Variants in KLF3 observed in about 807,000 individuals in gnomAD.
KLF3 encodes KLF transcription factor 3.
A neutral mutation model predicts 32.7 loss-of-function variants in KLF3; 6 were observed. That is an observed-to-expected ratio of 0.18 (90% CI 0.10 to 0.36). The LOEUF is 0.36. KLF3 is among the 10% of genes least tolerant of loss of function. The pLI is 1.00. For missense variants in KLF3, 338 were observed against 449.7 expected, an observed-to-expected ratio of 0.75 and a Z score of 2.25; for synonymous variants, 145 against 172.8, an observed-to-expected ratio of 0.84 and a Z score of 1.26.
intron 1 of KLF3, among the ~76,000 whole-genome samples, chr4:38,666,999 G>A (rs1486003399): frequency 6.6e-6 from 1 of 152,248 alleles, no homozygotes; most frequent in Non-Finnish European, 1.5e-5. Flanking sequence ...AGGGAGGCTA[G>A]TGTTCATTAG....
rs1234182666 is a variant in KLF3 at position 38,674,768 on chromosome 4, T to C, written c.-39-5819T>C. Among the ~76,000 whole-genome samples the C allele has an allele frequency of 3.8e-5, 3 of 79,448 alleles. No homozygotes were observed. Among genetic ancestry groups the C allele is most frequent in the African/African-American group, 2.3e-4 (3 of 13,272 alleles). The allele number at this position is 79,448 out of a possible 152,430, so 52.1% of individuals were successfully genotyped here. A position where few individuals can be genotyped will look rare whatever the true frequency, so the allele number is the denominator to read the frequency against. ...GGAGAACGTCAGAGGCAGGTCTTGC[T>C]CTAACCCCAAGAAACAGGAAACTGC... is the stretch of plus-strand genomic sequence containing the variant. On this transcript the variant is annotated intron_variant, in intron 1 of 5. Coordinates refer to ENST00000261438, the MANE Select transcript of KLF3 (RefSeq NM_016531.6). The surrounding 1 kb of genome is among the most constrained non-coding windows in gnomAD (Gnocchi z 4.1).
chr4:38,693,657 A>G (rs760640660), intron 4 of KLF3, among the ~76,000 whole-genome samples: 6 of 152,160 alleles, frequency 3.9e-5, no homozygotes, highest in African/African-American at 7.2e-5. Flanking sequence ...TTTAGGAGCT[A>G]TAGATTCAAA....
At chr4:38,686,202 T>C (rs890540601) in intron 2 of KLF3, among the ~76,000 whole-genome samples, 8 of 151,982 alleles carry the variant, frequency 5.3e-5, no homozygotes, top group African/African-American at 1.4e-4. Flanking sequence ...CCTAGAACTT[T>C]GGGAGGTTGA....
rs1723173493 is a variant in KLF3 at position 38,700,727 on chromosome 4, T to C, written c.*3464T>C. 1 of 152,244 alleles carries C rather than the reference T, an allele frequency of 6.6e-6. No individual in the cohort carries two copies. The highest frequency in any genetic ancestry group is 2.4e-5 in the African/African-American group (1 of 41,476). The allele number at this position is 152,244 out of a possible 1,614,324, so 9.4% of individuals were successfully genotyped here. A position where few individuals can be genotyped will look rare whatever the true frequency, so the allele number is the denominator to read the frequency against. Reference sequence around the variant, plus strand: ...GATTATTACATTTACAGTACTTTAATACTTGTATAAACTATGCAGAAATTT... The same window carrying C: ...GATTATTACATTTACAGTACTTTAACACTTGTATAAACTATGCAGAAATTT... On this transcript the variant is annotated 3_prime_UTR_variant, in exon 6 of 6. Transcript: ENST00000261438.
chr4:38,693,077 C>CACATATATATACACGTATATATATATGT (rs1722923176), intron 4 of KLF3, among the ~76,000 whole-genome samples: 3 of 126,044 alleles, frequency 2.4e-5, no homozygotes, highest in East Asian at 2.2e-4. Flanking sequence ...TATATATATA[C>CACATATATATACACGTATATATATATGT]ACATATATAT....
At position 38,697,356 on chromosome 4, in the gene KLF3, A is replaced by G; in HGVS notation, c.*93A>G. ...TATCTAACACATTTTTTACATGTAC[A>G]TTTTAATTTGATTCAGCTGGTCTGA... On this transcript the variant is annotated 3_prime_UTR_variant, in exon 6 of 6. Coordinates refer to ENST00000261438, the MANE Select transcript of KLF3 (RefSeq NM_016531.6). 2 of 1,185,008 alleles carry G rather than the reference A, an allele frequency of 1.7e-6. No homozygotes were observed. The highest frequency in any genetic ancestry group is 2.4e-6 in the Non-Finnish European group (2 of 845,782). The allele number at this position is 1,185,008 out of a possible 1,614,324, so 73.4% of individuals were successfully genotyped here. A position where few individuals can be genotyped will look rare whatever the true frequency, so the allele number is the denominator to read the frequency against.
chr4:38,685,171 C>A (rs1278929820), intron 2 of KLF3, among the ~76,000 whole-genome samples: 1 of 152,110 alleles, frequency 6.6e-6, no homozygotes, highest in Non-Finnish European at 1.5e-5. Flanking sequence ...AGAGCACACA[C>A]CCTGCCGTGT....
chr4:38,688,099 C>T lies in KLF3; in HGVS notation c.58-486C>T, dbSNP rs1026919852. 1.3e-5 allele frequency among the ~76,000 whole-genome samples: 2 copies of T among 152,176 alleles called. No homozygotes were observed. The highest frequency in any genetic ancestry group is 1.3e-4 in the Admixed American group (2 of 15,280). Reference sequence around the variant, plus strand: ...GCTGAAGTTGAAGACACTACTTATCCTGAGAAAGAGCTGTCCTGCCGAAGT... The same window carrying T: ...GCTGAAGTTGAAGACACTACTTATCTTGAGAAAGAGCTGTCCTGCCGAAGT... On this transcript the variant is annotated intron_variant, in intron 2 of 5. Coordinates refer to ENST00000261438, the MANE Select transcript of KLF3 (RefSeq NM_016531.6). This position sits in a 1 kb window ranked among gnomAD's most constrained non-coding sequence, Gnocchi z 4.9.
rs1722287081 is a variant in KLF3 at position 38,674,626 on chromosome 4, A to G, written c.-39-5961A>G. ...GACGGAAGTTTGCTTGGAGGAAGGC[A>G]GGTGATTTGGAGCCTCGGGGTCAGT... On this transcript the variant is annotated intron_variant, in intron 1 of 5. Coordinates refer to ENST00000261438, the MANE Select transcript of KLF3 (RefSeq NM_016531.6). This position sits in a 1 kb window ranked among gnomAD's most constrained non-coding sequence, Gnocchi z 4.1. 6.6e-6 allele frequency among the ~76,000 whole-genome samples: 1 copy of G among 152,060 alleles called. No individual in the cohort carries two copies. The highest frequency in any genetic ancestry group is 1.5e-5 in the Non-Finnish European group (1 of 68,004).
intron 5 of KLF3, among the ~76,000 whole-genome samples, chr4:38,695,786 C>T (rs755561535): frequency 2.0e-5 from 3 of 152,174 alleles, no homozygotes; most frequent in African/African-American, 4.8e-5. Flanking sequence ...AGGCTCATCT[C>T]ACCTCAAACT....
Position 38,699,845 on chromosome 4 carries a change from A to T in KLF3, c.*2582A>T, listed in dbSNP as rs1723151698. 6.6e-6 allele frequency: 1 copy of T among 152,206 alleles called. No homozygotes were observed. Among genetic ancestry groups the T allele is most frequent in the Non-Finnish European group, 1.5e-5 (1 of 68,046 alleles). The allele number at this position is 152,206 out of a possible 1,614,324, so 9.4% of individuals were successfully genotyped here. ...ATATATATTTGTATTTTACTATGATAGTTGAGAAATTTAGCCTCTTAGTCA... is the reference window on the plus strand; with the variant it reads ...ATATATATTTGTATTTTACTATGATTGTTGAGAAATTTAGCCTCTTAGTCA... On this transcript the variant is annotated 3_prime_UTR_variant, in exon 6 of 6. Transcript: ENST00000261438.
chr4:38,699,386 A>G lies in KLF3; in HGVS notation c.*2123A>G, dbSNP rs920576651. 1.3e-5 allele frequency: 2 copies of G among 152,206 alleles called. No homozygotes were observed. Among genetic ancestry groups the G allele is most frequent in the African/African-American group, 2.4e-5 (1 of 41,450 alleles). 9.4% of individuals were successfully genotyped at this position (152,206 alleles called of 1,614,324 possible). ...TAAATGCTTAGTCATATTCATGGCA[A>G]AGTGTTCATTTCTTGAGATGGTTCT... On this transcript the variant is annotated 3_prime_UTR_variant, in exon 6 of 6. Transcript: ENST00000261438.
chr4:38,680,644 G>C lies in KLF3; in HGVS notation c.19G>C (p.Val7Leu), dbSNP rs775480358. 10 of 1,613,690 alleles carry C rather than the reference G, an allele frequency of 6.2e-6. No individual in the cohort carries two copies. In the Admixed American group the frequency reaches 1.7e-4, roughly 27 times the overall value. Residue 7 changes from valine to leucine, a missense_variant, in exon 2 of 6, where the codon GTT becomes CTT. Transcript: ENST00000261438. ...TAAAAGAATGCTCATGTTTGACCCAGTTCCTGTCAAGCAAGAGGCCATGGA... is the reference window on the plus strand; with the variant it reads ...TAAAAGAATGCTCATGTTTGACCCACTTCCTGTCAAGCAAGAGGCCATGGA... Reference protein sequence around the residue: MLMFDPVPVKQEAMDPV... With the variant: MLMFDPLPVKQEAMDPV...
chr4:38,696,415 C>G (rs1468500248), intron 5 of KLF3, among the ~76,000 whole-genome samples: 1 of 151,962 alleles, frequency 6.6e-6, no homozygotes, highest in Non-Finnish European at 1.5e-5. Flanking sequence ...GAGGGTCTCC[C>G]TTCATCCTGG....
rs748441499 is a variant in KLF3, at chr4:38,689,745, A to T, written c.561A>T (p.Ser187=). 24 of 1,587,536 alleles carry T rather than the reference A, an allele frequency of 1.5e-5. No homozygotes were observed. The highest frequency in any genetic ancestry group is 2.1e-5 in the Non-Finnish European group (24 of 1,169,260). The change falls in exon 4 of 6, where the codon TCA becomes TCT. Residue 187 remains serine, a synonymous_variant. Coordinates refer to ENST00000261438, the MANE Select transcript of KLF3 (RefSeq NM_016531.6). ...SSSMQVPVIE[S]YEKPISQKKI... ...ATTTTTTAGTACCTGTAATTGAATCATATGAGAAGCCTATATCACAGAAAA... is the reference window on the plus strand; with the variant it reads ...ATTTTTTAGTACCTGTAATTGAATCTTATGAGAAGCCTATATCACAGAAAA...
At chr4:38,696,186 G>GAAAAAAAAAAAAAAAAAA (rs57996051) in intron 5 of KLF3, among the ~76,000 whole-genome samples, 2 of 99,268 alleles carry the variant, frequency 2.0e-5, no homozygotes. Flanking sequence ...TTAGATGTAG[G>GAAAAAAAAAAAAAAAAAA]AAAAAAAAAA....
intron 5 of KLF3, 115 bp from the exon 6 acceptor site, chr4:38,696,967 T>C (rs1297457105): frequency 7.1e-6 from 6 of 847,254 alleles, no homozygotes; most frequent in South Asian, 1.9e-5. Context: ...CACTGTGTTA[T>C]TGAAGAACAA....
At position 38,688,968 on chromosome 4, in the gene KLF3, G is replaced by A. The variant is rs779539175; in HGVS notation, c.441G>A (p.Pro147=). The change falls in exon 3 of 6, where the codon CCG becomes CCA. Residue 147 remains proline (P), a synonymous_variant. Coordinates refer to ENST00000261438, the MANE Select transcript of KLF3 (RefSeq NM_016531.6). The surrounding 1 kb of genome is among the most constrained non-coding windows in gnomAD (Gnocchi z 4.9). ...CGGGGATCCTGCCCGTCATCCAGCC[G>A]GTGGTGGTGCAGCCCGTCCCCTTTA... The part of the protein sequence containing the change: ...RSPGILPVIQ[P]VVVQPVPFMY... The A allele has an allele frequency of 1.1e-5, 18 of 1,614,116 alleles. No homozygotes were observed. The highest frequency in any genetic ancestry group is 7.7e-5 in the South Asian group (7 of 91,090).
intron 1 of KLF3, among the ~76,000 whole-genome samples, chr4:38,673,114 C>T (rs938160811): frequency 1.2e-4 from 19 of 152,224 alleles, no homozygotes; most frequent in Admixed American, 1.2e-3. Context: ...TTCAGTGGCT[C>T]TCTGGGAGGA....
Sources: allele counts gnomAD v4.1 joint callset (sites outside exome capture counted in the v4.1 genomes callset), GRCh38; gene constraint gnomAD v4.1.1; non-coding constraint Gnocchi (gnomAD v3.1); transcripts MANE v1.5; gene names NCBI Gene and HGNC (gene_info 2026-07-23, HGNC 2026-07-21).